ZNF493: variants seen among roughly 807,000 people sequenced by gnomAD.
ZNF493 encodes the protein zinc finger protein 493.
A neutral mutation model predicts 12.2 loss-of-function variants in ZNF493; 11 were observed. The ratio of observed to expected loss-of-function variants is 0.90; its 90% CI spans 0.57 to 1.50. The LOEUF (loss-of-function observed/expected upper bound fraction) is 1.50, where lower values mean the gene tolerates loss of function less well. Ranked by LOEUF, ZNF493 falls within the 40% of genes most tolerant of loss-of-function variation. The pLI is 0.00. For synonymous variants in ZNF493, 286 were observed against 302.6 expected, an observed-to-expected ratio of 0.95 and a Z score of 0.57; for missense variants, 950 against 906.6, an observed-to-expected ratio of 1.05 and a Z score of -0.61.
chr19:21,408,072 T>A, intron 3 of ZNF493: 1 of 985,040 alleles, frequency 1.0e-6, no homozygotes, highest in Non-Finnish European at 1.2e-6. Context: ...GGTCCATATT[T>A]AGTTGTCATG....
rs746548392 is a variant in ZNF493, at chr19:21,422,878, T to C, written c.254-35T>C. Reference sequence around the variant, plus strand: ...GTAATCTATATTTATCTGAGTCTAGTAAGTGGAGTAATTTGATATTTTTAT... The same window carrying C: ...GTAATCTATATTTATCTGAGTCTAGCAAGTGGAGTAATTTGATATTTTTAT... On this transcript the variant is annotated intron_variant, in intron 3 of 3. Coordinates refer to ENST00000392288, the MANE Select transcript of ZNF493 (RefSeq NM_001076678.3). 3 of 1,500,892 alleles carry C rather than the reference T, an allele frequency of 2.0e-6. No individual in the cohort carries two copies. In the Admixed American group the frequency reaches 6.8e-5, roughly 34 times the overall value. The allele number at this position is 1,500,892 out of a possible 1,614,324, so 93.0% of individuals were successfully genotyped here.
rs1480470785 is a variant in ZNF493, at chr19:21,407,963, ATCT to A, written c.253+2112_253+2114del. The A allele has an allele frequency of 3.2e-5, 32 of 985,024 alleles. No homozygotes were observed. In the South Asian group the frequency reaches 4.7e-4, roughly 14 times the overall value. 61.0% of individuals were successfully genotyped at this position (985,024 alleles called of 1,614,324 possible). On this transcript the variant is annotated intron_variant, in intron 3 of 3. Transcript: ENST00000392288. ...TATAAGCTGATTTCAGGAGGTAAAGATCTTCTTTTCTTGTGTTCCCCAGGGTTT... is the reference window on the plus strand; with the variant it reads ...TATAAGCTGATTTCAGGAGGTAAAGATCTTTTCTTGTGTTCCCCAGGGTTT...
Position 21,405,497 on chromosome 19 carries a change from A to C in ZNF493, c.157+242A>C. ...CACTCTACAGTAGTGGTAATTTCAG[A>C]AATTTAGTAGTATAAAATATTGTTG... On this transcript the variant is annotated intron_variant, in intron 2 of 3. Coordinates refer to ENST00000392288, the MANE Select transcript of ZNF493 (RefSeq NM_001076678.3). The C allele has an allele frequency of 2.2e-6, 3 of 1,337,908 alleles. No homozygotes were observed. The South Asian group carries it at 6.1e-5, about 27-fold the overall frequency. 82.9% of individuals were successfully genotyped at this position (1,337,908 alleles called of 1,614,324 possible).
At chr19:21,415,138 T>C (rs2030442014) in intron 3 of ZNF493, among the ~76,000 whole-genome samples, 1 of 152,184 alleles carries the variant, frequency 6.6e-6, no homozygotes, top group East Asian at 1.9e-4. Context: ...CTCTACTAAG[T>C]CCTGTTCTTG....
In ZNF493 at chr19:21,424,131, G is replaced by A. The variant is rs373208592; in HGVS notation, c.1472G>A (p.Cys491Tyr). 15 of 1,613,592 alleles carry A rather than the reference G, an allele frequency of 9.3e-6. No homozygotes were observed. In the African/African-American group the frequency reaches 1.6e-4, roughly 17 times the overall value. The change falls in exon 4 of 4, where the codon TGT becomes TAT. Residue 491 changes from cysteine to tyrosine, a missense_variant. Transcript: ENST00000392288. ...CATACTGAAGAGAAACCCTACAAAT[G>A]TGAAGAATGTGGCAAAGCTTTTAAC... is the stretch of plus-strand genomic sequence containing the variant. Reference protein sequence around the residue: ...IIHTEEKPYKCEECGKAFNQS... With the variant: ...IIHTEEKPYKYEECGKAFNQS...
chr19:21,405,309 C>A (rs1361778654), intron 2 of ZNF493, 54 bp downstream of exon 2: 4 of 1,561,966 alleles, frequency 2.6e-6, no homozygotes, highest in Non-Finnish European at 3.4e-6. Context: ...TTTCATTTCT[C>A]TGTTTTCATA....
At chr19:21,409,164 G>A (rs961498627) in intron 3 of ZNF493, among the ~76,000 whole-genome samples, 3 of 152,070 alleles carry the variant, frequency 2.0e-5, no homozygotes, top group Non-Finnish European at 4.4e-5. Context: ...GATCAGAGAT[G>A]TGAGCCACTG....
At chr19:21,422,807 A>C (rs1599380959) in intron 3 of ZNF493, 106 bp from the exon 4 acceptor site, 1 of 988,178 alleles carries the variant, frequency 1.0e-6, no homozygotes, top group East Asian at 2.7e-5. Flanking sequence ...GTATTTTGCT[A>C]TGCTATCTGG....
At chr19:21,408,609 A>G in intron 3 of ZNF493, 1 of 985,186 alleles carries the variant, frequency 1.0e-6, no homozygotes, top group Non-Finnish European at 1.2e-6. Flanking sequence ...AATGTTGCAT[A>G]CCAAATTGTA....
chr19:21,408,423 C>T (rs926413383), intron 3 of ZNF493: 12 of 984,538 alleles, frequency 1.2e-5, no homozygotes, highest in Non-Finnish European at 1.3e-5. Context: ...GCCACCACCC[C>T]CGGCCACTTG....
chr19:21,417,785 C>T (rs1280679477), intron 3 of ZNF493, among the ~76,000 whole-genome samples: 2 of 152,018 alleles, frequency 1.3e-5, no homozygotes, highest in African/African-American at 2.4e-5. Flanking sequence ...CTTCATCTGC[C>T]CACCAAGTTT....
Position 21,397,320 on chromosome 19 carries a change from C to T in ZNF493, c.30+53C>T, listed in dbSNP as rs1026735647. 1.9e-6 allele frequency: 3 copies of T among 1,610,336 alleles called. No homozygotes were observed. The African/African-American group carries it at 4.0e-5, about 22-fold the overall frequency. On this transcript the variant is annotated intron_variant, in intron 1 of 3. Transcript: ENST00000392288. ...GAGAGGGGAAGGAGTTGCTCGGAACCGGTGGGAAGTGGCTGTGGCGGGACT... is the reference window on the plus strand; with the variant it reads ...GAGAGGGGAAGGAGTTGCTCGGAACTGGTGGGAAGTGGCTGTGGCGGGACT...
At position 21,423,200 on chromosome 19, in the gene ZNF493, C is replaced by A. The variant is rs1289432049; in HGVS notation, c.541C>A (p.Pro181Thr). The change falls in exon 4 of 4, where the codon CCT (proline) becomes ACT (threonine). Residue 181 changes from proline (P) to threonine (T), a missense_variant. Pro to Thr is a conservative substitution (Grantham distance 38). Transcript: ENST00000392288. Reference protein sequence around the residue: ...RHNTKHTGKKPFKCKKCGKSF... With the variant: ...RHNTKHTGKKTFKCKKCGKSF... ...TAACACAAAACATACTGGAAAGAAA[C>A]CTTTCAAATGTAAAAAATGTGGCAA... The A allele has an allele frequency of 1.9e-6, 3 of 1,613,564 alleles. No homozygotes were observed. Among genetic ancestry groups the A allele is most frequent in the African/African-American group, 1.3e-5 (1 of 74,890 alleles).
chr19:21,398,895 A>G (rs1974214986), intron 1 of ZNF493: 1 of 156,068 alleles, frequency 6.4e-6, no homozygotes, highest in Non-Finnish European at 1.4e-5. Flanking sequence ...TAAAAAAAAA[A>G]AAGTGAAAAA....
intron 3 of ZNF493, among the ~76,000 whole-genome samples, chr19:21,420,142 C>A (rs1465965565): frequency 3.3e-5 from 5 of 152,166 alleles, no homozygotes; most frequent in African/African-American, 1.2e-4. Flanking sequence ...TTCACCAACA[C>A]AGGCTTCTGG....
chr19:21,409,029 C>T (rs765432137), intron 3 of ZNF493, among the ~76,000 whole-genome samples: 3 of 151,672 alleles, frequency 2.0e-5, no homozygotes, highest in African/African-American at 7.3e-5. Context: ...GGACTACAGG[C>T]GCCTGCAACC....
In ZNF493 at chr19:21,423,523, T is replaced by G. The variant is rs1418958373; in HGVS notation, c.864T>G (p.Thr288=). The G allele has an allele frequency of 6.2e-7, 1 of 1,613,694 alleles. No homozygotes were observed. The highest frequency in any genetic ancestry group is 1.3e-5 in the African/African-American group (1 of 74,906). ...TTACTAGGCATAAGCTAATTCATACTAGAGAGAAACCCTATAAATGTGAAC... is the reference window on the plus strand; with the variant it reads ...TTACTAGGCATAAGCTAATTCATACGAGAGAGAAACCCTATAAATGTGAAC... ...SYLTRHKLIH[T]REKPYKCEQY... The change falls in exon 4 of 4, where the codon ACT becomes ACG. Residue 288 remains threonine (T), a synonymous_variant. Coordinates refer to ENST00000392288, the MANE Select transcript of ZNF493 (RefSeq NM_001076678.3).
At chr19:21,422,418 T>C (rs1741780993) in intron 3 of ZNF493, among the ~76,000 whole-genome samples, 1 of 139,038 alleles carries the variant, frequency 7.2e-6, no homozygotes, top group South Asian at 2.4e-4. Context: ...GTTGGCAAGT[T>C]ACTTCTTTAT....
At chr19:21,400,315 C>T (rs984745287) in intron 1 of ZNF493, among the ~76,000 whole-genome samples, 4 of 151,838 alleles carry the variant, frequency 2.6e-5, no homozygotes, top group African/African-American at 7.3e-5. Context: ...GAGGCTGAGG[C>T]AGGAGAATGG....
Sources: gnomAD v4.1 joint callset for allele counts (sites outside exome capture counted in the v4.1 genomes callset) on GRCh38, gnomAD v4.1.1 for gene constraint, MANE v1.5 for transcripts, NCBI Gene and HGNC (gene_info 2026-07-23, HGNC 2026-07-21) for gene names.